Variants in IQGAP2 observed in about 807,000 individuals in gnomAD.
IQGAP2 encodes the protein IQ motif containing GTPase activating protein 2.
A neutral mutation model predicts 201.3 loss-of-function variants in IQGAP2; 173 were observed. That is an observed-to-expected ratio of 0.86 (90% CI 0.76 to 0.98). IQGAP2 has a LOEUF of 0.98. Among genes scored for constraint, IQGAP2 ranks in the 50% least tolerant of loss-of-function variants. IQGAP2 has a pLI of 0.00. For synonymous variants in IQGAP2, 675 were observed against 673.9 expected, an observed-to-expected ratio of 1.00 and a Z score of -0.03; for missense variants, 1,687 against 1,864.8, an observed-to-expected ratio of 0.90 and a Z score of 1.76.
intron 29 of IQGAP2, among the ~76,000 whole-genome samples, chr5:76,683,428 C>T (rs1324409273): frequency 6.6e-6 from 1 of 152,160 alleles, no homozygotes; most frequent in Non-Finnish European, 1.5e-5. Flanking sequence ...ATTCAGTATT[C>T]TTGAAGGTAA....
At chr5:76,575,553 A>G (rs1683064745) in intron 4 of IQGAP2, 140 bp from the exon 5 acceptor site, 2 of 497,834 alleles carry the variant, frequency 4.0e-6, no homozygotes. Flanking sequence ...CTACAGCAAG[A>G]TGAAGCAATG....
intron 1 of IQGAP2, among the ~76,000 whole-genome samples, chr5:76,413,448 C>T (rs193088974): frequency 1.3e-5 from 2 of 152,114 alleles, no homozygotes; most frequent in Non-Finnish European, 1.5e-5. Flanking sequence ...GGATAACAGG[C>T]GTGGGCCACC....
intron 18 of IQGAP2, among the ~76,000 whole-genome samples, chr5:76,653,140 A>G (rs1752651755): frequency 6.6e-6 from 1 of 152,190 alleles, no homozygotes; most frequent in Non-Finnish European, 1.5e-5. Context: ...TTTAGGTAGA[A>G]CCCAGCTTTT....
At chr5:76,476,929 G>A (rs560680977) in intron 2 of IQGAP2, among the ~76,000 whole-genome samples, 62 of 152,218 alleles carry the variant, frequency 4.1e-4, no homozygotes, top group African/African-American at 6.0e-4. Flanking sequence ...AAGATTCACC[G>A]AGCAACACTT....
intron 2 of IQGAP2, among the ~76,000 whole-genome samples, chr5:76,463,247 T>C (rs4529172): frequency 0.22 from 33,788 of 152,048 alleles, 4,084 homozygotes; most frequent in Middle Eastern, 0.3. Flanking sequence ...ACTTTACATT[T>C]TGTTTTTGCC....
At chr5:76,679,188 G>A (rs1357885422) in intron 28 of IQGAP2, among the ~76,000 whole-genome samples, 1 of 152,176 alleles carries the variant, frequency 6.6e-6, no homozygotes, top group Non-Finnish European at 1.5e-5. Context: ...AAAAAATGGT[G>A]GGGAGTACTT....
intron 4 of IQGAP2, among the ~76,000 whole-genome samples, chr5:76,573,605 GTAATAC>G (rs1745264151): frequency 6.6e-6 from 1 of 151,930 alleles, no homozygotes; most frequent in African/African-American, 2.4e-5. Context: ...CTTTAAACCG[GTAATAC>G]TCTTTTTTGT....
At chr5:76,677,798 G>A (rs1045756419) in intron 28 of IQGAP2, among the ~76,000 whole-genome samples, 1 of 152,074 alleles carries the variant, frequency 6.6e-6, no homozygotes, top group African/African-American at 2.4e-5. Flanking sequence ...CGGGTTTGGT[G>A]GTACATGCCT....
chr5:76,536,302 C>T (rs1421712136), intron 2 of IQGAP2, among the ~76,000 whole-genome samples: 1 of 150,830 alleles, frequency 6.6e-6, no homozygotes, highest in Non-Finnish European at 1.5e-5. Flanking sequence ...AACTACAGAC[C>T]TCAGGTGATC....
At chr5:76,539,254 G>A (rs1484083376) in intron 2 of IQGAP2, among the ~76,000 whole-genome samples, 1 of 152,184 alleles carries the variant, frequency 6.6e-6, no homozygotes, top group Non-Finnish European at 1.5e-5. Flanking sequence ...GAACTGGAGC[G>A]GGAATATTCC....
chr5:76,550,347 T>A (rs1450621208), intron 2 of IQGAP2, among the ~76,000 whole-genome samples: 1 of 48,934 alleles, frequency 2.0e-5, no homozygotes, highest in Non-Finnish European at 4.4e-5. Context: ...GCTGGCAGAA[T>A]TTTTTTTTTT....
intron 1 of IQGAP2, among the ~76,000 whole-genome samples, chr5:76,451,323 G>A (rs1753730633): frequency 6.6e-6 from 1 of 152,090 alleles, no homozygotes; most frequent in South Asian, 2.1e-4. Flanking sequence ...GCATCACCAT[G>A]TTTTTCTTTC....
chr5:76,562,386 A>T lies in IQGAP2; in HGVS notation c.147-10A>T, dbSNP rs1313929041. On this transcript the variant is annotated splice_polypyrimidine_tract_variant and intron_variant, in intron 2 of 35. Transcript: ENST00000274364. Reference sequence around the variant, plus strand: ...GAATCACTTTAATATTTTTTTTTTAATCTCTTTAGGTGGATGGAAGTTTGC... The same window carrying T: ...GAATCACTTTAATATTTTTTTTTTATTCTCTTTAGGTGGATGGAAGTTTGC... 13 of 1,576,238 alleles carry T rather than the reference A, an allele frequency of 8.2e-6. No individual in the cohort carries two copies. The Admixed American group carries it at 9.8e-5, about 12-fold the overall frequency.
At chr5:76,704,969 A>G (rs2150570407) in intron 35 of IQGAP2, among the ~76,000 whole-genome samples, 1 of 152,286 alleles carries the variant, frequency 6.6e-6, no homozygotes, top group African/African-American at 2.4e-5. Context: ...TCAGTTCCTA[A>G]AGAAAACCAT....
intron 2 of IQGAP2, among the ~76,000 whole-genome samples, chr5:76,561,155 T>C (rs1391608978): frequency 6.6e-6 from 1 of 152,226 alleles, no homozygotes; most frequent in East Asian, 1.9e-4. Context: ...ATGAATTTTG[T>C]ATTCCTGGAA....
chr5:76,689,780 T>G (rs1746106508), intron 30 of IQGAP2, among the ~76,000 whole-genome samples: 1 of 152,204 alleles, frequency 6.6e-6, no homozygotes, highest in South Asian at 2.1e-4. Context: ...TGTTAGGATG[T>G]TAAATACTGA....
chr5:76,642,977 T>C (rs1481682633), intron 17 of IQGAP2, among the ~76,000 whole-genome samples: 1 of 152,168 alleles, frequency 6.6e-6, no homozygotes, highest in African/African-American at 2.4e-5. Flanking sequence ...CATATTATTT[T>C]TGAGCAGTTA....
At chr5:76,434,407 T>C (rs1752542168) in intron 1 of IQGAP2, among the ~76,000 whole-genome samples, 1 of 152,132 alleles carries the variant, frequency 6.6e-6, no homozygotes, top group Non-Finnish European at 1.5e-5. Flanking sequence ...TGCATACCCA[T>C]AGCTTAGCTC....
rs1378768468 is a variant in IQGAP2 at position 76,403,601 on chromosome 5, C to T, written c.46+10C>T. 6.5e-7 allele frequency: 1 copy of T among 1,529,966 alleles called. No individual in the cohort carries two copies. Among genetic ancestry groups the T allele is most frequent in the South Asian group, 1.2e-5 (1 of 82,220 alleles). The allele number at this position is 1,529,966 out of a possible 1,614,324, so 94.8% of individuals were successfully genotyped here. A position where few individuals can be genotyped will look rare whatever the true frequency, so the allele number is the denominator to read the frequency against. ...AGACCCCGCTATGGCTGTAAGTGCG[C>T]CGGGCGCGCGGGGTTCCTGCTGGCC... On this transcript the variant is annotated intron_variant, in intron 1 of 35. Transcript: ENST00000274364. This position sits in a 1 kb window ranked among gnomAD's most constrained non-coding sequence, Gnocchi z 4.8.
Sources: allele counts gnomAD v4.1 joint callset (sites outside exome capture counted in the v4.1 genomes callset), GRCh38; gene constraint gnomAD v4.1.1; non-coding constraint Gnocchi (gnomAD v3.1); transcripts MANE v1.5; gene names NCBI Gene and HGNC (gene_info 2026-07-23, HGNC 2026-07-21).